UNC13B: variants seen among roughly 807,000 people sequenced by gnomAD.
UNC13B encodes protein unc-13 homolog B.
In UNC13B, 144 loss-of-function variants were observed where a neutral mutation model predicts 211.0. That is an observed-to-expected ratio of 0.68 (90% CI 0.60 to 0.78). The LOEUF (loss-of-function observed/expected upper bound fraction) is 0.78, where lower values mean the gene tolerates loss of function less well. Among genes scored for constraint, UNC13B ranks in the 30% least tolerant of loss-of-function variants. The pLI is 0.00. For missense variants in UNC13B, 1,777 were observed against 2,002.0 expected (o/e 0.89, Z 2.14); for synonymous variants, 709 against 725.8 (o/e 0.98, Z 0.37).
Position 35,295,844 on chromosome 9 carries a change from G to T in UNC13B, c.675G>T (p.Gln225His), listed in dbSNP as rs778517841. 6.2e-7 allele frequency: 1 copy of T among 1,614,158 alleles called. No individual in the cohort carries two copies. Among genetic ancestry groups the T allele is most frequent in the Admixed American group, 1.7e-5 (1 of 60,008 alleles). The change falls in exon 8 of 40, where the codon CAG becomes CAT. Residue 225 changes from glutamine to histidine, a missense_variant. Physicochemically the swap from Gln to His is conservative, Grantham distance 24. Coordinates refer to ENST00000635942, the MANE Select transcript of UNC13B (RefSeq NM_001371189.2). ...CTGTGCCGGTGCGATCGCCACAGCA[G>T]CTGCTACTTCAAGGCAGTTCCCGGG... ...QFPVPVRSPQ[Q>H]LLLQGSSRDS...
intron 11 of UNC13B, among the ~76,000 whole-genome samples, chr9:35,362,535 C>A (rs575090643): frequency 1.3e-5 from 2 of 152,256 alleles, no homozygotes; most frequent in East Asian, 1.9e-4. Context: ...TAGGGCGGGG[C>A]GTGGTGGCTC....
At chr9:35,371,011 A>G (rs139419391) in intron 13 of UNC13B, among the ~76,000 whole-genome samples, 7 of 152,286 alleles carry the variant, frequency 4.6e-5, no homozygotes, top group Admixed American at 4.6e-4. Flanking sequence ...AAACAACCCA[A>G]GGAATTTTCT....
intron 1 of UNC13B, among the ~76,000 whole-genome samples, chr9:35,207,627 GC>G (rs1279043926): frequency 6.6e-6 from 1 of 151,900 alleles, no homozygotes; most frequent in East Asian, 1.9e-4. Context: ...AAGCCACTAT[GC>G]CTGGCCTCAT....
chr9:35,217,396 GTT>G (rs1232346601), intron 1 of UNC13B, among the ~76,000 whole-genome samples: 23 of 139,300 alleles, frequency 1.7e-4, no homozygotes, highest in African/African-American at 4.7e-4. Flanking sequence ...TGTTTTTTTT[GTT>G]TTTTTTTTTT....
At position 35,403,742 on chromosome 9, in the gene UNC13B, T is replaced by C; in HGVS notation, c.12738-6T>C. ...TGGCCTCATAACTTCTATCTTGTGC[T>C]CACAGCCTCCTGGGAAATGAGGAGG... On this transcript the variant is annotated splice_polypyrimidine_tract_variant and splice_region_variant and intron_variant, in intron 39 of 39. Coordinates refer to ENST00000635942, the MANE Select transcript of UNC13B (RefSeq NM_001371189.2). The C allele has an allele frequency of 6.2e-7, 1 of 1,613,886 alleles. No individual in the cohort carries two copies. Among genetic ancestry groups the C allele is most frequent in the South Asian group, 1.1e-5 (1 of 91,078 alleles).
intron 1 of UNC13B, among the ~76,000 whole-genome samples, chr9:35,223,452 T>G (rs1824669478): frequency 6.6e-6 from 1 of 152,214 alleles, no homozygotes; most frequent in Non-Finnish European, 1.5e-5. Flanking sequence ...TTAGTACTCT[T>G]GAGCATTTTT....
At position 35,378,342 on chromosome 9, in the gene UNC13B, G is replaced by A; in HGVS notation, c.10111G>A (p.Asp3371Asn). 6.2e-7 allele frequency: 1 copy of A among 1,614,130 alleles called. No individual in the cohort carries two copies. The highest frequency in any genetic ancestry group is 8.5e-7 in the Non-Finnish European group (1 of 1,180,010). ...AGCCAAGGACAAAACAGGATCCAGT[G>A]ACCCTTACGTGACTGTGCAAGTCAG... is the stretch of plus-strand genomic sequence containing the variant. ...LQAKDKTGSS[D>N]PYVTVQVSKT... is the part of the protein sequence containing the mutation. Residue 3371 changes from aspartate (D) to asparagine (N), a missense_variant, in exon 17 of 40, where the codon GAC (aspartate) becomes AAC (asparagine). By Grantham distance (23) the Asp-to-Asn change is conservative. Coordinates refer to ENST00000635942, the MANE Select transcript of UNC13B (RefSeq NM_001371189.2).
In UNC13B at chr9:35,382,339, G is replaced by T; in HGVS notation, c.10656-18G>T. The T allele has an allele frequency of 6.2e-7, 1 of 1,606,734 alleles. No homozygotes were observed. The highest frequency in any genetic ancestry group is 8.5e-7 in the Non-Finnish European group (1 of 1,177,000). On this transcript the variant is annotated intron_variant, in intron 20 of 39. Transcript: ENST00000635942. ...AGCCCTGAAGAGTCTTTGAGGCTGC[G>T]GGTGCTGTGTTTTTCAGGCACTTTG...
At chr9:35,230,993 A>T in intron 2 of UNC13B, 127 bp from the exon 3 acceptor site, 1 of 617,298 alleles carries the variant, frequency 1.6e-6, no homozygotes, top group East Asian at 2.8e-5. Context: ...ATGTTGTACA[A>T]TATAGCTTAA....
chr9:35,342,465 G>GA (rs1832062634), intron 11 of UNC13B: 1 of 646,382 alleles, frequency 1.5e-6, no homozygotes, highest in Non-Finnish European at 1.9e-6. Context: ...ACTTGCTGGT[G>GA]AGGGGGGTCA....
intron 1 of UNC13B, among the ~76,000 whole-genome samples, chr9:35,187,237 TC>T (rs1822411180): frequency 1.3e-5 from 2 of 152,202 alleles, no homozygotes; most frequent in Admixed American, 1.3e-4. Flanking sequence ...GGTTTTATTT[TC>T]CCAAACAGAA....
In UNC13B at chr9:35,162,225, G is replaced by T. The variant is rs1820814075; in HGVS notation, c.-59G>T. ...GAGCAGTCGCGGCACCTGCTGAGAG[G>T]AAAGAGGGAGCGGTCCGGCGCGGCT... On this transcript the variant is annotated 5_prime_UTR_variant, in exon 1 of 40. Coordinates refer to ENST00000635942, the MANE Select transcript of UNC13B (RefSeq NM_001371189.2). 1 of 1,541,946 alleles carries T rather than the reference G, an allele frequency of 6.5e-7. No individual in the cohort carries two copies. The highest frequency in any genetic ancestry group is 1.4e-5 in the African/African-American group (1 of 73,122).
intron 6 of UNC13B, among the ~76,000 whole-genome samples, chr9:35,245,974 A>G (rs944575053): frequency 1.3e-5 from 2 of 152,200 alleles, no homozygotes; most frequent in African/African-American, 4.8e-5. Flanking sequence ...CCAACAGTGT[A>G]AAAGTGTTCC....
chr9:35,300,005 A>G (rs1829594086), intron 8 of UNC13B, among the ~76,000 whole-genome samples, 161 bp from the exon 9 acceptor site: 1 of 152,200 alleles, frequency 6.6e-6, no homozygotes, highest in Non-Finnish European at 1.5e-5. Context: ...CATAAACTTG[A>G]AGGAAGCAGA....
At chr9:35,384,158 T>G in intron 21 of UNC13B, 88 bp from the exon 22 acceptor site, 1 of 1,585,388 alleles carries the variant, frequency 6.3e-7, no homozygotes, top group Non-Finnish European at 8.6e-7. Context: ...TTTCTACTCA[T>G]CCAGGGGTGG....
At chr9:35,403,689 G>T in intron 39 of UNC13B, 59 bp from the exon 40 acceptor site, 2 of 1,604,452 alleles carry the variant, frequency 1.2e-6, no homozygotes, top group South Asian at 1.1e-5. Flanking sequence ...ATGGCAGACT[G>T]GGGTGAAATC....
intron 1 of UNC13B, among the ~76,000 whole-genome samples, chr9:35,200,165 A>G (rs1311112598): frequency 2.0e-5 from 3 of 151,992 alleles, no homozygotes; most frequent in African/African-American, 7.3e-5. Context: ...GTGTGGTATT[A>G]TTTCTGAGGG....
At position 35,376,115 on chromosome 9, in the gene UNC13B, A is replaced by G; in HGVS notation, c.9703A>G (p.Thr3235Ala). 6.2e-7 allele frequency: 1 copy of G among 1,614,270 alleles called. No homozygotes were observed. The highest frequency in any genetic ancestry group is 1.1e-5 in the South Asian group (1 of 91,090). ...TPHNFEVWTA[T>A]TPTYCYECEG... Reference sequence around the variant, plus strand: ...TCATAACTTTGAGGTCTGGACGGCCACTACCCCAACCTACTGCTATGAGTG... The same window carrying G: ...TCATAACTTTGAGGTCTGGACGGCCGCTACCCCAACCTACTGCTATGAGTG... Residue 3235 changes from threonine to alanine, a missense_variant, in exon 15 of 40, where the codon ACT (threonine) becomes GCT (alanine). Thr to Ala is a moderately conservative substitution (Grantham distance 58). Coordinates refer to ENST00000635942, the MANE Select transcript of UNC13B (RefSeq NM_001371189.2).
In UNC13B at chr9:35,182,423, AT is replaced by A. The variant is rs955768895; in HGVS notation, c.22+20125del. 8.6e-5 allele frequency among the ~76,000 whole-genome samples: 13 copies of A among 151,084 alleles called. 1 individual carries two copies. The highest frequency in any genetic ancestry group is 3.9e-4 in the Admixed American group (6 of 15,208). ...GTGAAACCAATGCTGATTAAAATTT[AT>A]TTTTTTAACACAAAATTTTATTTTA... On this transcript the variant is annotated intron_variant, in intron 1 of 39. Coordinates refer to ENST00000635942, the MANE Select transcript of UNC13B (RefSeq NM_001371189.2).
Sources: allele counts gnomAD v4.1 joint callset (sites outside exome capture counted in the v4.1 genomes callset), GRCh38; gene constraint gnomAD v4.1.1; transcripts MANE v1.5; gene names NCBI Gene and HGNC (gene_info 2026-07-23, HGNC 2026-07-21).